Variants in VAV1 observed in about 807,000 individuals in gnomAD.
The protein encoded by VAV1 is proto-oncogene vav.
A neutral mutation model predicts 128.1 loss-of-function variants in VAV1; 33 were observed. The observed-to-expected ratio is 0.26, with a 90% CI of 0.20 to 0.34. The LOEUF (loss-of-function observed/expected upper bound fraction) is 0.34, where lower values mean the gene tolerates loss of function less well. VAV1 is among the 10% of genes least tolerant of loss of function. The pLI is 1.00. For missense variants in VAV1, 715 were observed against 1,093.7 expected, an observed-to-expected ratio of 0.65 and a Z score of 4.88; for synonymous variants, 394 against 409.8, an observed-to-expected ratio of 0.96 and a Z score of 0.47.
intron 19 of VAV1, among the ~76,000 whole-genome samples, chr19:6,834,206 A>G (rs753037641): frequency 6.6e-6 from 1 of 151,934 alleles, no homozygotes; most frequent in Middle Eastern, 3.4e-3. Context: ...GCCATACTGT[A>G]TAAATTAAAT....
chr19:6,826,930 G>T lies in VAV1; in HGVS notation c.927+219G>T. ...GTCTGGGCTGACCCCTGATATCAGG[G>T]TGAAGTCCTGACCCTGAACTGAGCT... On this transcript the variant is annotated intron_variant, in intron 9 of 26. Coordinates refer to ENST00000602142, the MANE Select transcript of VAV1 (RefSeq NM_005428.4). This position sits in a 1 kb window ranked among gnomAD's most constrained non-coding sequence, Gnocchi z 4.1. The T allele has an allele frequency of 1.7e-6, 1 of 581,716 alleles. No homozygotes were observed. The allele number at this position is 581,716 out of a possible 1,614,324, so 36.0% of individuals were successfully genotyped here.
intron 1 of VAV1, among the ~76,000 whole-genome samples, chr19:6,797,231 CA>C (rs34227069): frequency 0.79 from 99,937 of 126,274 alleles, 39,310 homozygotes; most frequent in East Asian, 0.95. Context: ...GACTCAGTAT[CA>C]AAAAAAAAAA....
chr19:6,779,655 G>A (rs1970720960), intron 1 of VAV1, among the ~76,000 whole-genome samples: 1 of 146,880 alleles, frequency 6.8e-6, no homozygotes, highest in African/African-American at 2.5e-5. Context: ...GGGTACAGGA[G>A]TTAGAGGCCA....
At chr19:6,803,160 G>C (rs1971311242) in intron 1 of VAV1, among the ~76,000 whole-genome samples, 1 of 151,756 alleles carries the variant, frequency 6.6e-6, no homozygotes, top group Non-Finnish European at 1.5e-5. Flanking sequence ...AGCTTTTACT[G>C]AAGTGAAAGT....
intron 1 of VAV1, among the ~76,000 whole-genome samples, chr19:6,796,922 G>A (rs1210530227): frequency 2.0e-5 from 3 of 152,164 alleles, no homozygotes; most frequent in African/African-American, 7.2e-5. Flanking sequence ...AGTACTGGGT[G>A]TATAGTAGGT....
At chr19:6,805,864 A>C (rs2144739463) in intron 1 of VAV1, among the ~76,000 whole-genome samples, 1 of 152,146 alleles carries the variant, frequency 6.6e-6, no homozygotes, top group Middle Eastern at 3.4e-3. Flanking sequence ...GAAGGAAGGA[A>C]GGAAGATCAG....
intron 1 of VAV1, among the ~76,000 whole-genome samples, chr19:6,802,488 G>GCCT (rs1297428082): frequency 1.3e-5 from 2 of 152,134 alleles, no homozygotes; most frequent in Non-Finnish European, 2.9e-5. Context: ...CCCCACCGCA[G>GCCT]CCCGGAGAGG....
Position 6,796,447 on chromosome 19 carries a change from C to G in VAV1, c.204+23436C>G, listed in dbSNP as rs766331513. Among the ~76,000 whole-genome samples, 12 of 152,190 alleles carry G rather than the reference C, an allele frequency of 7.9e-5. No homozygotes were observed. In the East Asian group the frequency reaches 1.9e-3, roughly 24 times the overall value. ...TGGTTCACTCCCTTCCTCCCTCCCC[C>G]TCGCTTACTCTGCTCCAGGCACACA... is the stretch of plus-strand genomic sequence containing the variant. On this transcript the variant is annotated intron_variant, in intron 1 of 26. Transcript: ENST00000602142.
intron 1 of VAV1, among the ~76,000 whole-genome samples, chr19:6,798,010 GCT>G (rs1482891121): frequency 6.6e-6 from 1 of 151,914 alleles, no homozygotes; most frequent in Non-Finnish European, 1.5e-5. Flanking sequence ...GGGCGCGGTG[GCT>G]CACGCTGTAA....
chr19:6,801,339 C>T (rs1192827959), intron 1 of VAV1, among the ~76,000 whole-genome samples: 2 of 152,160 alleles, frequency 1.3e-5, no homozygotes, highest in Non-Finnish European at 2.9e-5. Flanking sequence ...CCCATCCAAG[C>T]TCCCTCAACT....
chr19:6,787,873 G>A (rs9749149), intron 1 of VAV1, among the ~76,000 whole-genome samples: 3,095 of 151,990 alleles, frequency 0.02, 109 homozygotes, highest in African/African-American at 0.071. Context: ...TCAGGAGATC[G>A]AGACCATCCT....
rs1394632217 is a variant in VAV1, at chr19:6,777,996, G to T, written c.204+4985G>T. 6.6e-6 allele frequency among the ~76,000 whole-genome samples: 1 copy of T among 152,138 alleles called. No homozygotes were observed. The highest frequency in any genetic ancestry group is 2.1e-4 in the South Asian group (1 of 4,812). On this transcript the variant is annotated intron_variant, in intron 1 of 26. Coordinates refer to ENST00000602142, the MANE Select transcript of VAV1 (RefSeq NM_005428.4). This position sits in a 1 kb window ranked among gnomAD's most constrained non-coding sequence, Gnocchi z 4.4. The stretch of plus-strand genomic sequence containing the variant: ...CTGTTGCCCAGGCTGGAGTACAGTG[G>T]CATGATCTTGGCTCACTGCAACCTC...
At chr19:6,839,252 C>T (rs980619534) in intron 21 of VAV1, among the ~76,000 whole-genome samples, 7 of 149,014 alleles carry the variant, frequency 4.7e-5, no homozygotes, top group Admixed American at 4.0e-4. Flanking sequence ...TAGGGTCTCA[C>T]TATGTTGTCC....
At chr19:6,781,008 A>G (rs1970757189) in intron 1 of VAV1, among the ~76,000 whole-genome samples, 2 of 151,906 alleles carry the variant, frequency 1.3e-5, no homozygotes, top group East Asian at 3.9e-4. Context: ...TCTTGGGTTC[A>G]AGTGATCCTC....
chr19:6,793,494 C>T (rs912049919), intron 1 of VAV1, among the ~76,000 whole-genome samples: 3 of 152,028 alleles, frequency 2.0e-5, no homozygotes, highest in South Asian at 2.1e-4. Context: ...TCTTGGGCGG[C>T]GGCAAGACAG....
rs201530612 is a variant in VAV1, at chr19:6,820,666, G to A, written c.205-36G>A. 32 of 1,598,208 alleles carry A rather than the reference G, an allele frequency of 2.0e-5. No individual in the cohort carries two copies. The highest frequency in any genetic ancestry group is 1.1e-4 in the African/African-American group (8 of 74,706). The stretch of plus-strand genomic sequence containing the variant: ...GGGTCAGTTTCTCCCCTGCCCTTTC[G>A]TACTGCCCCACCCTCATTTCTCTGT... On this transcript the variant is annotated intron_variant, in intron 1 of 26. Coordinates refer to ENST00000602142, the MANE Select transcript of VAV1 (RefSeq NM_005428.4). The surrounding 1 kb of genome is among the most constrained non-coding windows in gnomAD (Gnocchi z 4.4).
chr19:6,817,157 C>T (rs1348791686), intron 1 of VAV1, among the ~76,000 whole-genome samples: 1 of 151,566 alleles, frequency 6.6e-6, no homozygotes, highest in Non-Finnish European at 1.5e-5. Flanking sequence ...AAGCAATTCT[C>T]CTGCCTCAGC....
rs997890173 is a variant in VAV1, at chr19:6,825,519, G to A, written c.827+113G>A. The A allele has an allele frequency of 1.4e-5, 12 of 859,794 alleles. No individual in the cohort carries two copies. In the Admixed American group the frequency reaches 2.4e-4, roughly 17 times the overall value. 53.3% of individuals were successfully genotyped at this position (859,794 alleles called of 1,614,324 possible). A position where few individuals can be genotyped will look rare whatever the true frequency, so the allele number is the denominator to read the frequency against. ...CTGGACGGGGAGGACTTTTTGCTGT[G>A]TGTTCATGGGCGAGGGGCTGCCCAT... On this transcript the variant is annotated intron_variant, in intron 8 of 26. Transcript: ENST00000602142.
At chr19:6,853,726 A>G (rs1159846179) in intron 25 of VAV1, among the ~76,000 whole-genome samples, 2 of 148,088 alleles carry the variant, frequency 1.4e-5, no homozygotes, top group Non-Finnish European at 3.0e-5. Flanking sequence ...GAGAGACTTT[A>G]TCTCAAAAAA....
Sources: allele counts gnomAD v4.1 joint callset (sites outside exome capture counted in the v4.1 genomes callset), GRCh38; gene constraint gnomAD v4.1.1; non-coding constraint Gnocchi (gnomAD v3.1); transcripts MANE v1.5; gene names NCBI Gene and HGNC (gene_info 2026-07-23, HGNC 2026-07-21).